IMMP2L: variants seen among roughly 807,000 people sequenced by gnomAD.
IMMP2L encodes the protein inner mitochondrial membrane peptidase subunit 2, also known as mitochondrial inner membrane protease subunit 2.
In IMMP2L, 18 loss-of-function variants were observed where a neutral mutation model predicts 19.3. The ratio of observed to expected loss-of-function variants is 0.93; its 90% CI spans 0.64 to 1.38. The LOEUF is 1.38. Ranked by LOEUF, IMMP2L falls within the 40% of genes most tolerant of loss-of-function variation. The pLI is 0.00. For synonymous variants in IMMP2L, 76 were observed against 73.0 expected (o/e 1.04, Z -0.21); for missense variants, 233 against 218.2 (o/e 1.07, Z -0.43).
intron 3 of IMMP2L, among the ~76,000 whole-genome samples, chr7:111,462,005 T>TA (rs1329307581): frequency 7.9e-5 from 12 of 151,736 alleles, no homozygotes; most frequent in East Asian, 1.9e-4. Flanking sequence ...AACACAGAGA[T>TA]AAAAAAAACC....
At chr7:111,163,097 T>G (rs972624172) in intron 3 of IMMP2L, among the ~76,000 whole-genome samples, 2 of 152,036 alleles carry the variant, frequency 1.3e-5, no homozygotes, top group Non-Finnish European at 2.9e-5. Context: ...TACCCCAAAC[T>G]GTTTCCTCAA....
At chr7:111,446,553 C>A (rs1471047928) in intron 3 of IMMP2L, among the ~76,000 whole-genome samples, 1 of 151,494 alleles carries the variant, frequency 6.6e-6, no homozygotes, top group East Asian at 1.9e-4. Flanking sequence ...GAAAACCCAT[C>A]TGTACATCAC....
intron 3 of IMMP2L, among the ~76,000 whole-genome samples, chr7:111,330,203 C>A (rs545529848): frequency 1.3e-5 from 2 of 150,928 alleles, no homozygotes; most frequent in African/African-American, 4.9e-5. Context: ...AGAAATGGAA[C>A]GTAAATTACA....
At chr7:111,405,591 C>T (rs1409683384) in intron 3 of IMMP2L, among the ~76,000 whole-genome samples, 1 of 152,008 alleles carries the variant, frequency 6.6e-6, no homozygotes, top group Non-Finnish European at 1.5e-5. Flanking sequence ...ATTATTTATG[C>T]ACTTAAAAAC....
At chr7:110,721,845 ACTTTG>A (rs1452930173) in intron 5 of IMMP2L, among the ~76,000 whole-genome samples, 1 of 152,120 alleles carries the variant, frequency 6.6e-6, no homozygotes, top group African/African-American at 2.4e-5. Flanking sequence ...TGTTTCAAAT[ACTTTG>A]CAATATAAGG....
chr7:110,963,655 T>A, intron 3 of IMMP2L, 90 bp from the exon 4 acceptor site: 1 of 716,486 alleles, frequency 1.4e-6, no homozygotes, highest in Admixed American at 3.0e-5. Flanking sequence ...TAGGCTATAT[T>A]AAAGTCTTTA....
chr7:111,052,315 C>T (rs1267315177), intron 3 of IMMP2L, among the ~76,000 whole-genome samples: 1 of 152,178 alleles, frequency 6.6e-6, no homozygotes, highest in African/African-American at 2.4e-5. Flanking sequence ...CATTTACCAT[C>T]TATTCTCTTT....
chr7:111,465,836 A>G (rs971082169), intron 3 of IMMP2L, among the ~76,000 whole-genome samples: 19 of 152,266 alleles, frequency 1.2e-4, no homozygotes, highest in African/African-American at 4.1e-4. Context: ...TATATACCCA[A>G]AGGATTATAA....
chr7:111,281,207 AAAGAAAGAAAAAGAAAGAAAGAAAG>A (rs1563005057), intron 3 of IMMP2L, among the ~76,000 whole-genome samples: 5 of 46,466 alleles, frequency 1.1e-4, no homozygotes, highest in African/African-American at 4.0e-4. Context: ...AGAAAGAAAG[AAAGAAAGAAAAAGAAAGAAAGAAAG>A]AAAGAAAGAA....
chr7:110,835,171 C>A (rs1021528913), intron 5 of IMMP2L, among the ~76,000 whole-genome samples: 1 of 152,038 alleles, frequency 6.6e-6, no homozygotes, highest in Non-Finnish European at 1.5e-5. Flanking sequence ...CTTCACCTAA[C>A]AATAGTAAGA....
intron 5 of IMMP2L, among the ~76,000 whole-genome samples, chr7:110,683,989 T>C (rs1792926368): frequency 6.6e-6 from 1 of 152,166 alleles, no homozygotes; most frequent in South Asian, 2.1e-4. Flanking sequence ...TGTAAGACAT[T>C]TGAATTTCCA....
At chr7:111,545,997 C>T (rs1848897977) in intron 1 of IMMP2L, among the ~76,000 whole-genome samples, 2 of 152,018 alleles carry the variant, frequency 1.3e-5, no homozygotes, top group East Asian at 3.9e-4. Flanking sequence ...CATTGTTCTG[C>T]ATTTTCCTTT....
At chr7:111,264,146 T>G (rs933075128) in intron 3 of IMMP2L, among the ~76,000 whole-genome samples, 6 of 152,106 alleles carry the variant, frequency 3.9e-5, no homozygotes, top group Non-Finnish European at 8.8e-5. Flanking sequence ...ACACTTAAAA[T>G]GAAATTTAAA....
intron 5 of IMMP2L, among the ~76,000 whole-genome samples, chr7:110,878,019 TAGA>T (rs1809253034): frequency 6.6e-6 from 1 of 152,096 alleles, no homozygotes; most frequent in Non-Finnish European, 1.5e-5. Context: ...TAGAAGTGCC[TAGA>T]AGAAGGAAAT....
At chr7:110,911,910 A>G (rs1413922989) in intron 4 of IMMP2L, among the ~76,000 whole-genome samples, 1 of 152,156 alleles carries the variant, frequency 6.6e-6, no homozygotes, top group Non-Finnish European at 1.5e-5. Context: ...CTCTACGGAA[A>G]TTGCAGTAAA....
intron 3 of IMMP2L, among the ~76,000 whole-genome samples, chr7:111,413,524 C>G (rs1252181431): frequency 5.9e-5 from 9 of 152,060 alleles, no homozygotes; most frequent in Admixed American, 4.6e-4. Context: ...TTTGGCTTAT[C>G]CAGGAATGTG....
At chr7:110,693,810 C>T (rs777121574) in intron 5 of IMMP2L, among the ~76,000 whole-genome samples, 1 of 152,158 alleles carries the variant, frequency 6.6e-6, no homozygotes, top group African/African-American at 2.4e-5. Context: ...GCCCCTGGAA[C>T]TCTTGCACTG....
intron 3 of IMMP2L, among the ~76,000 whole-genome samples, chr7:111,250,337 A>G (rs942965449): frequency 6.6e-6 from 1 of 152,170 alleles, no homozygotes; most frequent in African/African-American, 2.4e-5. Flanking sequence ...CCCCAAAGTA[A>G]TTTATAGATT....
At chr7:111,227,167 C>A (rs1699471716) in intron 3 of IMMP2L, among the ~76,000 whole-genome samples, 2 of 152,058 alleles carry the variant, frequency 1.3e-5, no homozygotes, top group African/African-American at 2.4e-5. Context: ...CAGAATGCTG[C>A]ACTTGCCACA....
Sources: gnomAD v4.1 joint callset for allele counts (sites outside exome capture counted in the v4.1 genomes callset) on GRCh38, gnomAD v4.1.1 for gene constraint, MANE v1.5 for transcripts, NCBI Gene and HGNC (gene_info 2026-07-23, HGNC 2026-07-21) for gene names.